The following EIF4G3 variants were observed in gnomAD, a reference collection of about 807,000 sequenced individuals.
EIF4G3 encodes the protein eukaryotic translation initiation factor 4 gamma 3.
A neutral mutation model predicts 186.4 loss-of-function variants in EIF4G3; 34 were observed. That is an observed-to-expected ratio of 0.18 (90% confidence interval 0.14 to 0.24). The LOEUF (loss-of-function observed/expected upper bound fraction) is 0.24, where lower values mean the gene tolerates loss of function less well. Ranked by LOEUF, EIF4G3 falls within the 10% of genes least tolerant of loss-of-function variation. The pLI is 1.00. For synonymous variants in EIF4G3, 673 were observed against 679.5 expected, an observed-to-expected ratio of 0.99 and a Z score of 0.15; for missense variants, 1,536 against 1,948.5, an observed-to-expected ratio of 0.79 and a Z score of 3.99.
intron 3 of EIF4G3, among the ~76,000 whole-genome samples, chr1:21,075,883 G>T (rs557589993): frequency 1.3e-5 from 2 of 152,168 alleles, no homozygotes; most frequent in African/African-American, 4.8e-5. Context: ...AATAATAGTT[G>T]GGGACTTGAA....
At chr1:20,864,832 CT>C in intron 21 of EIF4G3, 120 bp from the exon 22 acceptor site, 2 of 957,208 alleles carry the variant, frequency 2.1e-6, no homozygotes. Context: ...GAATCTACTG[CT>C]CAGAAAACTG....
At chr1:20,845,546 G>A (rs1437228880) in intron 29 of EIF4G3, among the ~76,000 whole-genome samples, 3 of 152,030 alleles carry the variant, frequency 2.0e-5, no homozygotes, top group Non-Finnish European at 2.9e-5. Context: ...CCTGTAGTCT[G>A]AGCTACTTGG....
At chr1:20,967,756 CTTTTTA>C (rs1333572774) in intron 12 of EIF4G3, among the ~76,000 whole-genome samples, 1 of 152,138 alleles carries the variant, frequency 6.6e-6, no homozygotes, top group East Asian at 1.9e-4. Context: ...TTTTTATGAA[CTTTTTA>C]TTTTTGTCTG....
At chr1:20,812,024 A>C (rs1362849172) in intron 35 of EIF4G3, among the ~76,000 whole-genome samples, 1 of 152,230 alleles carries the variant, frequency 6.6e-6, no homozygotes, top group Non-Finnish European at 1.5e-5. Flanking sequence ...AAGGAATGAT[A>C]AAAAGGGGCT....
intron 29 of EIF4G3, among the ~76,000 whole-genome samples, chr1:20,848,709 G>A (rs991626837): frequency 1.3e-5 from 2 of 152,038 alleles, no homozygotes; most frequent in African/African-American, 4.8e-5. Context: ...AGTAATGCTG[G>A]CCATATTTCA....
At chr1:21,002,834 T>C (rs1046763780) in intron 4 of EIF4G3, 26 bp from the exon 5 acceptor site, 1 of 1,371,886 alleles carries the variant, frequency 7.3e-7, no homozygotes, top group Non-Finnish European at 1.0e-6. Flanking sequence ...AAGAACAATA[T>C]AATATTTTGA....
intron 7 of EIF4G3, among the ~76,000 whole-genome samples, chr1:20,987,118 A>G (rs183153926): frequency 4.6e-5 from 7 of 152,350 alleles, no homozygotes; most frequent in Non-Finnish European, 7.3e-5. Flanking sequence ...TAAAGATGCA[A>G]TAATTCATAT....
intron 13 of EIF4G3, among the ~76,000 whole-genome samples, chr1:20,945,711 T>C (rs1194562939): frequency 2.6e-5 from 4 of 152,154 alleles, no homozygotes; most frequent in Non-Finnish European, 5.9e-5. Context: ...GCAATCCTCC[T>C]GCCTCGTAAG....
At chr1:21,023,839 A>T (rs2091445661) in intron 4 of EIF4G3, among the ~76,000 whole-genome samples, 1 of 136,752 alleles carries the variant, frequency 7.3e-6, no homozygotes. Context: ...CCGCCATCAC[A>T]TCTACGAAGT....
Position 20,853,598 on chromosome 1 carries a change from G to A in EIF4G3, c.3513C>T (p.Ser1171=). ...TTCGGGAATCAAACTCTACAGGCGT[G>A]GATGGCGTGGACCCTGAGGGTGCTG... The part of the protein sequence containing the change: ...QPPAPSGSTP[S]TPVEFDSRRT... Residue 1171 remains serine, a synonymous_variant, in exon 27 of 37, where the codon TCC becomes TCT. Transcript: ENST00000602326. The A allele has an allele frequency of 6.2e-7, 1 of 1,613,962 alleles. No homozygotes were observed. Among genetic ancestry groups the A allele is most frequent in the South Asian group, 1.1e-5 (1 of 91,046 alleles).
chr1:20,853,742 T>C, intron 26 of EIF4G3, 65 bp from the exon 27 acceptor site: 1 of 1,239,062 alleles, frequency 8.1e-7, no homozygotes, highest in South Asian at 1.2e-5. Context: ...TAATCAGTCA[T>C]CTGCATCCCT....
chr1:21,052,657 T>C (rs2094298192), intron 3 of EIF4G3, among the ~76,000 whole-genome samples: 1 of 151,910 alleles, frequency 6.6e-6, no homozygotes, highest in Non-Finnish European at 1.5e-5. Flanking sequence ...ACTGCTGCCA[T>C]CTCGGCTCAC....
At chr1:21,104,951 G>A (rs1437376234) in intron 2 of EIF4G3, among the ~76,000 whole-genome samples, 1 of 152,136 alleles carries the variant, frequency 6.6e-6, no homozygotes, top group African/African-American at 2.4e-5. Flanking sequence ...GACAACTAAT[G>A]AAGGAACAGA....
chr1:21,163,286 G>A (rs536573608), intron 2 of EIF4G3, among the ~76,000 whole-genome samples: 1 of 152,230 alleles, frequency 6.6e-6, no homozygotes, highest in African/African-American at 2.4e-5. Context: ...ATAAGCTAAG[G>A]TCAAGTGCTC....
intron 2 of EIF4G3, among the ~76,000 whole-genome samples, chr1:21,165,910 T>C (rs1162702384): frequency 6.6e-6 from 1 of 151,698 alleles, no homozygotes; most frequent in Non-Finnish European, 1.5e-5. Context: ...TCCTCTTATT[T>C]ATTCAAAATG....
Position 20,813,130 on chromosome 1 carries a change from A to G in EIF4G3, c.4597+28T>C, listed in dbSNP as rs190890029. ...TGACATAATGGGGATTTCAGATGTT[A>G]TGAGCTGCCTTCAGAAATGTTACTT... is the stretch of plus-strand genomic sequence containing the variant. On this transcript the variant is annotated intron_variant, in intron 35 of 36. Transcript: ENST00000602326. 499 of 1,488,144 alleles carry G rather than the reference A, an allele frequency of 3.4e-4. 2 individuals are homozygous for G. The East Asian group carries it at 0.011, about 32-fold the overall frequency. 92.2% of individuals were successfully genotyped at this position (1,488,144 alleles called of 1,614,324 possible).
chr1:20,869,562 T>C (rs1571954328), intron 20 of EIF4G3, among the ~76,000 whole-genome samples: 1 of 151,114 alleles, frequency 6.6e-6, no homozygotes, highest in Admixed American at 6.6e-5. Flanking sequence ...GATCACGAGG[T>C]CAGGAGATTG....
At chr1:21,026,724 G>A (rs2092146634) in intron 4 of EIF4G3, among the ~76,000 whole-genome samples, 1 of 151,906 alleles carries the variant, frequency 6.6e-6, no homozygotes, top group Admixed American at 6.6e-5. Flanking sequence ...CCAAGGTGGG[G>A]AAATCACTTG....
intron 4 of EIF4G3, among the ~76,000 whole-genome samples, chr1:21,032,745 A>G (rs2092847862): frequency 6.6e-6 from 1 of 152,206 alleles, no homozygotes; most frequent in African/African-American, 2.4e-5. Flanking sequence ...TCTTCTGCCT[A>G]CAATTCTACA....
Sources: allele counts gnomAD v4.1 joint callset (sites outside exome capture counted in the v4.1 genomes callset), GRCh38; gene constraint gnomAD v4.1.1; transcripts MANE v1.5; gene names NCBI Gene and HGNC (gene_info 2026-07-23, HGNC 2026-07-21).